SGCZ: variants seen among roughly 807,000 people sequenced by gnomAD.
SGCZ encodes the protein sarcoglycan zeta.
Under a neutral mutation model 41.3 loss-of-function variants are expected in SGCZ, and 40 were observed. The observed-to-expected ratio is 0.97, with a 90% confidence interval of 0.75 to 1.26. SGCZ has a LOEUF of 1.26. SGCZ is among the 50% of genes most tolerant of loss of function. The pLI is 0.00. For missense variants in SGCZ, 552 were observed against 369.8 expected, an observed-to-expected ratio of 1.49 and a Z score of -4.04; for synonymous variants, 206 against 137.5, an observed-to-expected ratio of 1.50 and a Z score of -3.49.
intron 1 of SGCZ, among the ~76,000 whole-genome samples, chr8:14,751,314 C>G (rs1799491646): frequency 1.3e-5 from 2 of 152,136 alleles, no homozygotes; most frequent in African/African-American, 4.8e-5. Flanking sequence ...AGCCACTACA[C>G]ACTTAGAATG....
chr8:15,045,521 G>A (rs1046809024), intron 1 of SGCZ, among the ~76,000 whole-genome samples: 5 of 152,022 alleles, frequency 3.3e-5, no homozygotes, highest in African/African-American at 1.2e-4. Context: ...CAGTAATTTG[G>A]GTTTAAGATT....
chr8:14,715,519 C>G (rs1809658774), intron 1 of SGCZ, among the ~76,000 whole-genome samples: 1 of 145,324 alleles, frequency 6.9e-6, no homozygotes, highest in South Asian at 2.2e-4. Context: ...GGTAAAATTA[C>G]ACAGATATCC....
chr8:14,237,613 A>C lies in SGCZ; in HGVS notation c.403T>G (p.Leu135Val), dbSNP rs1806813698. 6.2e-7 allele frequency: 1 copy of C among 1,613,868 alleles called. No individual in the cohort carries two copies. The highest frequency in any genetic ancestry group is 1.1e-5 in the South Asian group (1 of 91,086). Residue 135 changes from leucine to valine, a missense_variant, in exon 4 of 8, where the codon TTA (leucine) becomes GTA (valine). Coordinates refer to ENST00000382080, the MANE Select transcript of SGCZ (RefSeq NM_139167.4). Reference sequence around the variant, plus strand: ...TCACCTATGGTCAGCTGTCCGGTTAACTGCCCCATGTGATTTCTTGCATTC... The same window carrying C: ...TCACCTATGGTCAGCTGTCCGGTTACCTGCCCCATGTGATTTCTTGCATTC... ...TVNARNHMGQ[L>V]TGQLTIGADA...
chr8:14,588,336 T>C (rs1243045820), intron 1 of SGCZ, among the ~76,000 whole-genome samples: 1 of 152,026 alleles, frequency 6.6e-6, no homozygotes, highest in Non-Finnish European at 1.5e-5. Flanking sequence ...ACCAGCACAA[T>C]CAATAAGTAA....
chr8:14,374,685 T>C (rs899477890), intron 2 of SGCZ, among the ~76,000 whole-genome samples: 13 of 152,174 alleles, frequency 8.5e-5, no homozygotes, highest in Admixed American at 3.3e-4. Context: ...GATAAGCTCA[T>C]TGGCTTGGGA....
chr8:14,658,095 G>A (rs865798448), intron 1 of SGCZ, among the ~76,000 whole-genome samples: 11 of 152,084 alleles, frequency 7.2e-5, no homozygotes, highest in South Asian at 2.1e-4. Context: ...ATCTTCATGC[G>A]TGCAAAAGGA....
intron 2 of SGCZ, among the ~76,000 whole-genome samples, chr8:14,326,440 G>A (rs961589548): frequency 1.3e-5 from 2 of 152,008 alleles, no homozygotes; most frequent in Non-Finnish European, 2.9e-5. Context: ...AAGAATTGAA[G>A]GACTCTTTAA....
intron 1 of SGCZ, among the ~76,000 whole-genome samples, chr8:15,019,746 ATGATC>A (rs1262818307): frequency 1.5e-4 from 22 of 151,458 alleles, no homozygotes; most frequent in Admixed American, 1.5e-3. Context: ...AGTGACTCTA[ATGATC>A]TGACTCCAGC....
chr8:14,888,206 C>T (rs1804881308), intron 1 of SGCZ, among the ~76,000 whole-genome samples: 1 of 152,128 alleles, frequency 6.6e-6, no homozygotes, highest in African/African-American at 2.4e-5. Context: ...ATAGTAGTGA[C>T]CTTTATCCTT....
intron 1 of SGCZ, among the ~76,000 whole-genome samples, chr8:14,971,874 A>G (rs1355051722): frequency 6.6e-6 from 1 of 151,642 alleles, no homozygotes; most frequent in Non-Finnish European, 1.5e-5. Context: ...GGTTTCAATC[A>G]CTTGGTCTCG....
intron 4 of SGCZ, among the ~76,000 whole-genome samples, chr8:14,197,409 T>C (rs562407441): frequency 1.9e-4 from 29 of 152,140 alleles, no homozygotes; most frequent in African/African-American, 7.0e-4. Context: ...ATCATAATTA[T>C]GAACAAATCA....
intron 2 of SGCZ, among the ~76,000 whole-genome samples, chr8:14,476,717 G>C (rs1015401981): frequency 1.9e-4 from 29 of 152,128 alleles, no homozygotes; most frequent in African/African-American, 6.5e-4. Context: ...TGGTGAGATA[G>C]CTATTAAGAT....
chr8:14,605,912 T>C (rs530143995), intron 1 of SGCZ, among the ~76,000 whole-genome samples: 2 of 152,284 alleles, frequency 1.3e-5, no homozygotes, highest in East Asian at 1.9e-4. Context: ...TGCCTCCTAG[T>C]TCTATGATAT....
chr8:14,204,378 C>T (rs1805552748), intron 4 of SGCZ, among the ~76,000 whole-genome samples: 1 of 151,184 alleles, frequency 6.6e-6, no homozygotes, highest in Non-Finnish European at 1.5e-5. Flanking sequence ...TCTGTCTTTT[C>T]CCTGATTTGA....
At chr8:14,604,642 T>G (rs1480435598) in intron 1 of SGCZ, among the ~76,000 whole-genome samples, 1 of 152,176 alleles carries the variant, frequency 6.6e-6, no homozygotes. Context: ...AGTAATAGAA[T>G]GCCACAGCTC....
rs546916893 is a variant in SGCZ, at chr8:14,448,630, A to T, written c.234+106102T>A. 2.0e-5 allele frequency among the ~76,000 whole-genome samples: 3 copies of T among 152,336 alleles called. No individual in the cohort carries two copies. In the East Asian group the frequency reaches 5.8e-4, roughly 29 times the overall value. On this transcript the variant is annotated intron_variant, in intron 2 of 7. Transcript: ENST00000382080. ...GAATGAGGTAACAACCATAAATACA[A>T]TCATAACCAAAGAACAACAGTAATT...
At chr8:14,867,470 T>G (rs1415925890) in intron 1 of SGCZ, among the ~76,000 whole-genome samples, 2 of 152,168 alleles carry the variant, frequency 1.3e-5, no homozygotes, top group African/African-American at 4.8e-5. Flanking sequence ...ATACGTCCAG[T>G]AGCAGGATTG....
At chr8:14,239,230 G>A (rs1011763315) in intron 3 of SGCZ, among the ~76,000 whole-genome samples, 17 of 134,286 alleles carry the variant, frequency 1.3e-4, no homozygotes, top group Non-Finnish European at 1.9e-4. Context: ...ATGACATAAA[G>A]ATGATGGTTC....
At chr8:14,250,351 T>C (rs1799243084) in intron 3 of SGCZ, among the ~76,000 whole-genome samples, 1 of 152,128 alleles carries the variant, frequency 6.6e-6, no homozygotes, top group Admixed American at 6.5e-5. Context: ...CCAATTTCCA[T>C]GGGAAAGACT....
Sources: allele counts gnomAD v4.1 joint callset (sites outside exome capture counted in the v4.1 genomes callset), GRCh38; gene constraint gnomAD v4.1.1; transcripts MANE v1.5; gene names NCBI Gene and HGNC (gene_info 2026-07-23, HGNC 2026-07-21).